P2RX2: variants seen among roughly 807,000 people sequenced by gnomAD.
The protein encoded by P2RX2 is purinergic receptor P2X 2, also known as P2X purinoceptor 2.
A neutral mutation model predicts 54.8 loss-of-function variants in P2RX2; 50 were observed. That is an observed-to-expected ratio of 0.91 (90% confidence interval 0.73 to 1.15). The LOEUF (loss-of-function observed/expected upper bound fraction) is 1.15, where lower values mean the gene tolerates loss of function less well. P2RX2 is among the 50% of genes most tolerant of loss of function. The pLI is 0.00. For synonymous variants in P2RX2, 289 were observed against 259.4 expected, an observed-to-expected ratio of 1.11 and a Z score of -1.09; for missense variants, 658 against 633.2, an observed-to-expected ratio of 1.04 and a Z score of -0.42.
chr12:132,619,007 TGC>T lies in P2RX2; in HGVS notation c.173+20_173+21del. The T allele has an allele frequency of 7.2e-6, 1 of 138,466 alleles. No homozygotes were observed. 8.6% of individuals were successfully genotyped at this position (138,466 alleles called of 1,614,324 possible). ...TTCGTGTGGTGCGCGGGGCGCGGGG[TGC>T]GGGGCGCGGGGTGCGGGGCGCAGGG... is the stretch of plus-strand genomic sequence containing the variant. On this transcript the variant is annotated intron_variant, in intron 1 of 10. Coordinates refer to ENST00000643471, the MANE Select transcript of P2RX2 (RefSeq NM_170682.4).
rs200711869 is a variant in P2RX2 at position 132,621,787 on chromosome 12, G to A, written c.1231G>A (p.Glu411Lys). The A allele has an allele frequency of 3.6e-5, 57 of 1,601,680 alleles. No homozygotes were observed. The highest frequency in any genetic ancestry group is 2.0e-4 in the South Asian group (18 of 89,428). Reference protein sequence around the residue: ...QAPPEPGHRSEDQHPSPPSGQ... With the variant: ...QAPPEPGHRSKDQHPSPPSGQ... ...CCCTCCCGAACCCGGCCACCGCTCC[G>A]AGGACCAGCACCCCAGCCCTCCATC... The change falls in exon 11 of 11, where the codon GAG (glutamate) becomes AAG (lysine). Residue 411 changes from glutamate to lysine, a missense_variant. Physicochemically the swap from Glu to Lys is moderately conservative, Grantham distance 56. Coordinates refer to ENST00000643471, the MANE Select transcript of P2RX2 (RefSeq NM_170682.4).
intron 1 of P2RX2, 128 bp downstream of exon 1, chr12:132,619,117 GGC>G (rs1396476656): frequency 4.1e-5 from 12 of 295,882 alleles, no homozygotes; most frequent in African/African-American, 3.1e-4. Flanking sequence ...CAGGGGCTGG[GGC>G]TGGGACCGGG....
In P2RX2 at chr12:132,620,598, G is replaced by C; in HGVS notation, c.774+15G>C. 2 of 1,610,336 alleles carry C rather than the reference G, an allele frequency of 1.2e-6. No homozygotes were observed. The highest frequency in any genetic ancestry group is 1.1e-5 in the South Asian group (1 of 91,056). On this transcript the variant is annotated intron_variant, in intron 7 of 10. Transcript: ENST00000643471. Reference sequence around the variant, plus strand: ...TCGCACACAAGGCAGGGCAAGCGCAGGCAGGGTGGGGCCAGGGTGGGCTCC... The same window carrying C: ...TCGCACACAAGGCAGGGCAAGCGCACGCAGGGTGGGGCCAGGGTGGGCTCC...
chr12:132,620,867 TGGGA>T, intron 7 of P2RX2, 130 bp from the exon 8 acceptor site: 5 of 1,000,516 alleles, frequency 5.0e-6, no homozygotes, highest in South Asian at 4.7e-5. Flanking sequence ...ACATGCAGCC[TGGGA>T]CTGACCCGGG....
In P2RX2 at chr12:132,620,083, G is replaced by C. The variant is rs2041588320; in HGVS notation, c.541G>C (p.Gly181Arg). 1 of 1,581,510 alleles carries C rather than the reference G, an allele frequency of 6.3e-7. No individual in the cohort carries two copies. The highest frequency in any genetic ancestry group is 1.8e-5 in the Admixed American group (1 of 55,076). The stretch of plus-strand genomic sequence containing the variant: ...GTTCGGCTGGTGCCCGGTGGAAGAT[G>C]GGGCCTCTGTCAGGTGCACCTGCGC... The part of the protein sequence containing the change: ...EVFGWCPVED[G>R]ASVSQFLGTM... The change falls in exon 5 of 11, where the codon GGG (glycine) becomes CGG (arginine). Residue 181 changes from glycine (G) to arginine (R), a missense_variant. Physicochemically the swap from Gly to Arg is moderately radical, Grantham distance 125. Coordinates refer to ENST00000643471, the MANE Select transcript of P2RX2 (RefSeq NM_170682.4).
chr12:132,620,898 CGTGTG>C lies in P2RX2; in HGVS notation c.775-102_775-98del. 4.1e-5 allele frequency: 11 copies of C among 267,590 alleles called. 3 individuals are homozygous for C. Among genetic ancestry groups the C allele is most frequent in the Admixed American group, 1.7e-4 (2 of 11,990 alleles). The allele number at this position is 267,590 out of a possible 1,614,324, so 16.6% of individuals were successfully genotyped here. ...TGACCCGGGCTCTCGAGGGGCCTCTCGTGTGCCCTTGTGACCCCCTTCCCTGGCCT... is the reference window on the plus strand; with the variant it reads ...TGACCCGGGCTCTCGAGGGGCCTCTCCCCTTGTGACCCCCTTCCCTGGCCT... On this transcript the variant is annotated intron_variant, in intron 7 of 10. Coordinates refer to ENST00000643471, the MANE Select transcript of P2RX2 (RefSeq NM_170682.4).
At position 132,621,569 on chromosome 12, in the gene P2RX2, G is replaced by A; in HGVS notation, c.1062+29G>A. On this transcript the variant is annotated intron_variant, in intron 10 of 10. Transcript: ENST00000643471. ...AGGAACCCTCTCTGGGGTCCCAGCG[G>A]GTGCGGGGGGTCCACCAGGCCCTTA... 3 of 1,599,444 alleles carry A rather than the reference G, an allele frequency of 1.9e-6. No homozygotes were observed. The South Asian group carries it at 3.4e-5, about 18-fold the overall frequency.
rs1042398570 is a variant in P2RX2, at chr12:132,620,483, G to C, written c.674G>C (p.Arg225Pro). Residue 225 changes from arginine (R) to proline (P), a missense_variant, in exon 7 of 11, where the codon CGC becomes CCC. Transcript: ENST00000643471. ...GACCGCACAGACGGGTACCTGAAGC[G>C]CTGCACGTTCCACGAGGCCTCCGAC... Reference protein sequence around the residue: ...IADRTDGYLKRCTFHEASDLY... With the variant: ...IADRTDGYLKPCTFHEASDLY... The C allele has an allele frequency of 1.9e-6, 3 of 1,613,890 alleles. No individual in the cohort carries two copies. The highest frequency in any genetic ancestry group is 2.5e-6 in the Non-Finnish European group (3 of 1,180,014).
rs763910590 is a variant in P2RX2 at position 132,621,241 on chromosome 12, C to T, written c.906-14C>T. On this transcript the variant is annotated splice_polypyrimidine_tract_variant and intron_variant, in intron 8 of 10. Transcript: ENST00000643471. ...AGTGCAGAGGACGAGTGGGCACTGG[C>T]GTTCCCATTGCAGGTTTGCCAAATA... The T allele has an allele frequency of 1.2e-5, 19 of 1,613,738 alleles. 1 individual carries two copies. Among genetic ancestry groups the T allele is most frequent in the Middle Eastern group, 3.3e-4 (2 of 6,082 alleles).
At chr12:132,619,974 A>G in intron 4 of P2RX2, 26 bp from the exon 5 acceptor site, 1 of 1,577,840 alleles carries the variant, frequency 6.3e-7, no homozygotes, top group Non-Finnish European at 8.6e-7. Context: ...GTCCCCGCTA[A>G]TGCCTCAGTG....
rs1161893145 is a variant in P2RX2, at chr12:132,619,472, G to C, written c.207G>C (p.Glu69Asp). 6.2e-7 allele frequency: 1 copy of C among 1,612,672 alleles called. No homozygotes were observed. Among genetic ancestry groups the C allele is most frequent in the Admixed American group, 1.7e-5 (1 of 59,992 alleles). The change falls in exon 2 of 11, where the codon GAG (glutamate) becomes GAC (aspartate). Residue 69 changes from glutamate to aspartate, a missense_variant. Coordinates refer to ENST00000643471, the MANE Select transcript of P2RX2 (RefSeq NM_170682.4). The stretch of plus-strand genomic sequence containing the variant: ...TCATCGTGCAGAAAAGCTACCAGGA[G>C]AGCGAGACGGGCCCCGAGAGCTCCA... ...YVFIVQKSYQ[E>D]SETGPESSII...
chr12:132,620,899 GTGTGCCCT>G lies in P2RX2; in HGVS notation c.775-97_775-90del. On this transcript the variant is annotated intron_variant, in intron 7 of 10. Coordinates refer to ENST00000643471, the MANE Select transcript of P2RX2 (RefSeq NM_170682.4). ...GACCCGGGCTCTCGAGGGGCCTCTCGTGTGCCCTTGTGACCCCCTTCCCTGGCCTGGGA... is the reference window on the plus strand; with the variant it reads ...GACCCGGGCTCTCGAGGGGCCTCTCGTGTGACCCCCTTCCCTGGCCTGGGA... The G allele has an allele frequency of 9.6e-5, 57 of 596,212 alleles. 13 individuals carry two copies. Among genetic ancestry groups the G allele is most frequent in the East Asian group, 1.2e-4 (3 of 25,618 alleles). 36.9% of individuals were successfully genotyped at this position (596,212 alleles called of 1,614,324 possible).
chr12:132,620,221 GC>G, intron 5 of P2RX2, 45 bp from the exon 6 acceptor site: 1 of 1,569,240 alleles, frequency 6.4e-7, no homozygotes, highest in Non-Finnish European at 8.8e-7. Flanking sequence ...CCAGGCGGGG[GC>G]TTTGCGGGAA....
rs758078006 is a variant in P2RX2 at position 132,619,930 on chromosome 12, G to T, written c.457+11G>T. On this transcript the variant is annotated intron_variant, in intron 4 of 10. Transcript: ENST00000643471. Reference sequence around the variant, plus strand: ...ACATGCTGGGAAACGGTCGGTGTGCGCCAGCTGGGGCTGGGCGGGTGGGGC... The same window carrying T: ...ACATGCTGGGAAACGGTCGGTGTGCTCCAGCTGGGGCTGGGCGGGTGGGGC... 9 of 1,205,084 alleles carry T rather than the reference G, an allele frequency of 7.5e-6. No individual in the cohort carries two copies. The highest frequency in any genetic ancestry group is 2.4e-4 in the Middle Eastern group (1 of 4,248). 74.6% of individuals were successfully genotyped at this position (1,205,084 alleles called of 1,614,324 possible).
chr12:132,621,125 A>G lies in P2RX2; in HGVS notation c.899A>G (p.Asn300Ser), dbSNP rs771795205. 4.3e-6 allele frequency: 7 copies of G among 1,614,000 alleles called. No homozygotes were observed. In the East Asian group the frequency reaches 8.9e-5, roughly 21 times the overall value. ...CACGTGCCTGCCTCGTCAGGCTACAACTTCAGGTGCTGTACTTGGGACACC... is the reference window on the plus strand; with the variant it reads ...CACGTGCCTGCCTCGTCAGGCTACAGCTTCAGGTGCTGTACTTGGGACACC... ...PKHVPASSGY[N>S]FRFAKYYKIN... The change falls in exon 8 of 11, where the codon AAC becomes AGC. Residue 300 changes from asparagine to serine, a missense_variant. Coordinates refer to ENST00000643471, the MANE Select transcript of P2RX2 (RefSeq NM_170682.4).
rs770957551 is a variant in P2RX2 at position 132,622,002 on chromosome 12, C to T, written c.*30C>T. ...CTTTCCATCTCACTGGACTGCAGAC[C>T]CGGCCTGGTGGGGCCAGAGAGTCCC... On this transcript the variant is annotated 3_prime_UTR_variant, in exon 11 of 11. Coordinates refer to ENST00000643471, the MANE Select transcript of P2RX2 (RefSeq NM_170682.4). The T allele has an allele frequency of 2.5e-6, 4 of 1,612,524 alleles. No individual in the cohort carries two copies. The highest frequency in any genetic ancestry group is 3.4e-6 in the Non-Finnish European group (4 of 1,179,626).
chr12:132,620,130 C>G, intron 5 of P2RX2, 34 bp downstream of exon 5: 2 of 1,535,882 alleles, frequency 1.3e-6, no homozygotes, highest in Non-Finnish European at 1.8e-6. Context: ...GCCCAGCCTC[C>G]CCTCTGATCC....
intron 7 of P2RX2, 60 bp downstream of exon 7, chr12:132,620,643 TG>T: frequency 1.3e-6 from 2 of 1,570,932 alleles, no homozygotes. Flanking sequence ...AGAGAGGGCC[TG>T]GGGTACAGGG....
chr12:132,620,288 C>T lies in P2RX2; in HGVS notation c.576C>T (p.Ala192=), dbSNP rs752764138. The T allele has an allele frequency of 2.5e-6, 4 of 1,614,042 alleles. No homozygotes were observed. The highest frequency in any genetic ancestry group is 3.4e-6 in the Non-Finnish European group (4 of 1,179,906). Residue 192 remains alanine, a synonymous_variant, in exon 6 of 11, where the codon GCC becomes GCT. Transcript: ENST00000643471. ...TCAGCCAATTTCTGGGTACGATGGC[C>T]CCAAATTTCACCATCCTCATCAAGA... ...ASVSQFLGTM[A]PNFTILIKNS...
Sources: allele counts gnomAD v4.1 joint callset, GRCh38; gene constraint gnomAD v4.1.1; transcripts MANE v1.5; gene names NCBI Gene and HGNC (gene_info 2026-07-23, HGNC 2026-07-21).